SLC25A16: variants seen among roughly 807,000 people sequenced by gnomAD.
The protein encoded by SLC25A16 is solute carrier family 25 member 16.
In SLC25A16, 39 loss-of-function variants were observed where a neutral mutation model predicts 41.5. The ratio of observed to expected loss-of-function variants is 0.94; its 90% confidence interval spans 0.73 to 1.23. The LOEUF (loss-of-function observed/expected upper bound fraction) is 1.23. Ranked by LOEUF, SLC25A16 falls within the 50% of genes most tolerant of loss-of-function variation. The pLI, the probability that SLC25A16 is intolerant of heterozygous loss-of-function variation, is 0.00. For missense variants in SLC25A16, 421 were observed against 426.9 expected (o/e 0.99, Z 0.12); for synonymous variants, 146 against 147.8 (o/e 0.99, Z 0.09).
rs1344524924 is a variant in SLC25A16, at chr10:68,478,466, AC to A, written c.*4965del. 6.6e-6 allele frequency: 1 copy of A among 152,198 alleles called. No individual in the cohort carries two copies. The highest frequency in any genetic ancestry group is 1.5e-5 in the Non-Finnish European group (1 of 68,028). The allele number at this position is 152,198 out of a possible 1,614,324, so 9.4% of individuals were successfully genotyped here. ...ATTATTGATCCAACTCTGCAAGGCA[AC>A]CCATTAATTGTACATAGTTTGGGAA... On this transcript the variant is annotated 3_prime_UTR_variant, in exon 9 of 9. Coordinates refer to ENST00000609923, the MANE Select transcript of SLC25A16 (RefSeq NM_152707.4).
At chr10:68,509,832 C>T (rs1444057592) in intron 2 of SLC25A16, among the ~76,000 whole-genome samples, 2 of 151,602 alleles carry the variant, frequency 1.3e-5, no homozygotes, top group East Asian at 3.9e-4. Context: ...GTGACTCATG[C>T]TTCTAATCCC....
rs745483454 is a variant in SLC25A16, at chr10:68,527,272, T to C, written c.104A>G (p.Tyr35Cys). 6.5e-6 allele frequency: 10 copies of C among 1,548,294 alleles called. No individual in the cohort carries two copies. Among genetic ancestry groups the C allele is most frequent in the Admixed American group, 5.9e-5 (3 of 50,900 alleles). The change falls in exon 1 of 9, where the codon TAC becomes TGC. Residue 35 changes from tyrosine (Y) to cysteine (C), a missense_variant. Tyr to Cys is a radical substitution (Grantham distance 194). Coordinates refer to ENST00000609923, the MANE Select transcript of SLC25A16 (RefSeq NM_152707.4). Reference sequence around the variant, plus strand: ...TCCGGCCAGAAAGGAGCGCAGCCAGTAGAAGTCTCTGCGGGTTGTGGGCCC... The same window carrying C: ...TCCGGCCAGAAAGGAGCGCAGCCAGCAGAAGTCTCTGCGGGTTGTGGGCCC... The part of the protein sequence containing the change: ...AGGPTTRRDF[Y>C]WLRSFLAGGI...
At chr10:68,485,744 A>G (rs972561871) in intron 8 of SLC25A16, among the ~76,000 whole-genome samples, 1 of 149,152 alleles carries the variant, frequency 6.7e-6, no homozygotes, top group Non-Finnish European at 1.5e-5. Context: ...GCGCCATCTC[A>G]GCTCTTTGCC....
intron 2 of SLC25A16, among the ~76,000 whole-genome samples, chr10:68,513,392 G>A (rs1379550648): frequency 7.7e-6 from 1 of 129,468 alleles, no homozygotes; most frequent in Non-Finnish European, 1.6e-5. Context: ...CTGGGCAATA[G>A]AGCAAGACCA....
chr10:68,516,601 A>C, intron 2 of SLC25A16, 150 bp downstream of exon 2: 1 of 528,644 alleles, frequency 1.9e-6, no homozygotes, highest in Middle Eastern at 5.0e-4. Flanking sequence ...TTCTGAGAGA[A>C]GTTACTATTT....
In SLC25A16 at chr10:68,483,464, C is replaced by A; in HGVS notation, c.967G>T (p.Glu323Ter). The change falls in exon 9 of 9, where the codon GAA (glutamate) becomes TAA (stop). Residue 323 changes from glutamate (E) to a stop codon, truncating the protein, a stop_gained. Transcript: ENST00000609923. LOFTEE classifies it high-confidence loss of function. ...PSQAVAFTTY[E>*]LMKQFFHLN ...AGGTGAAAAAACTGCTTCATAAGTT[C>A]GTATGTTGTAAAAGCCACTGCTTGA... The A allele has an allele frequency of 6.2e-7, 1 of 1,603,778 alleles. No individual in the cohort carries two copies. The highest frequency in any genetic ancestry group is 8.5e-7 in the Non-Finnish European group (1 of 1,176,130).
At chr10:68,511,293 T>C (rs1031256640) in intron 2 of SLC25A16, among the ~76,000 whole-genome samples, 6 of 152,196 alleles carry the variant, frequency 3.9e-5, no homozygotes, top group African/African-American at 1.4e-4. Context: ...TTTATTTTTT[T>C]GAGGGGGCTC....
At chr10:68,519,731 A>G (rs1228934331) in intron 1 of SLC25A16, among the ~76,000 whole-genome samples, 1 of 151,548 alleles carries the variant, frequency 6.6e-6, no homozygotes. Context: ...CCTAGCCAAC[A>G]TGGTGAAACC....
rs554659811 is a variant in SLC25A16 at position 68,508,855 on chromosome 10, C to T, written c.224-2137G>A. Among the ~76,000 whole-genome samples the T allele has an allele frequency of 5.3e-5, 8 of 152,174 alleles. No homozygotes were observed. In the East Asian group the frequency reaches 1.5e-3, roughly 29 times the overall value. The stretch of plus-strand genomic sequence containing the variant: ...TAGAGTAATGATTACCTAGCAGAGA[C>T]AGGAAGGCTAATGATAAGGTAGAAG... On this transcript the variant is annotated intron_variant, in intron 2 of 8. Coordinates refer to ENST00000609923, the MANE Select transcript of SLC25A16 (RefSeq NM_152707.4).
intron 2 of SLC25A16, among the ~76,000 whole-genome samples, chr10:68,510,323 G>A (rs1361742831): frequency 1.3e-5 from 2 of 151,426 alleles, no homozygotes; most frequent in Non-Finnish European, 2.9e-5. Flanking sequence ...CCTGAGGTCA[G>A]GAGTTCAAGA....
rs2053328665 is a variant in SLC25A16 at position 68,525,829 on chromosome 10, G to A, written c.130+1417C>T. Among the ~76,000 whole-genome samples the A allele has an allele frequency of 2.6e-5, 4 of 151,882 alleles. No homozygotes were observed. The South Asian group carries it at 6.2e-4, about 24-fold the overall frequency. On this transcript the variant is annotated intron_variant, in intron 1 of 8. Transcript: ENST00000609923. ...CCCAACCCCGTGCTCTCTGAAACAT[G>A]TGCTGTGTCACAGAGTTGAATGGAT...
chr10:68,507,070 C>CTTTT lies in SLC25A16; in HGVS notation c.224-356_224-353dup, dbSNP rs71019019. Among the ~76,000 whole-genome samples the CTTTT allele has an allele frequency of 4.9e-3, 568 of 115,512 alleles. 14 individuals are homozygous for CTTTT. The highest frequency in any genetic ancestry group is 0.013 in the African/African-American group (409 of 30,958). The allele number at this position is 115,512 out of a possible 152,430, so 75.8% of individuals were successfully genotyped here. ...AGGTTTGCACTAAAGATGACCTACT[C>CTTTT]TTTTTTTTTTTTTTTTTTTTTGAGA... On this transcript the variant is annotated intron_variant, in intron 2 of 8. Coordinates refer to ENST00000609923, the MANE Select transcript of SLC25A16 (RefSeq NM_152707.4).
rs60845242 is a variant in SLC25A16 at position 68,495,781 on chromosome 10, CAA to C, written c.422-2213_422-2212del. On this transcript the variant is annotated intron_variant, in intron 4 of 8. Transcript: ENST00000609923. Reference sequence around the variant, plus strand: ...TGGGCAACAGAGTTAGACTATGTCTCAAAAAAAAAAAAAAAAAAAAGAGAAAA... The same window carrying C: ...TGGGCAACAGAGTTAGACTATGTCTCAAAAAAAAAAAAAAAAAAGAGAAAA... 2.8e-3 allele frequency among the ~76,000 whole-genome samples: 252 copies of C among 89,628 alleles called. 1 individual carries two copies. Among genetic ancestry groups the C allele is most frequent in the African/African-American group, 0.01 (239 of 23,832 alleles). 58.8% of individuals were successfully genotyped at this position (89,628 alleles called of 152,430 possible). A position where few individuals can be genotyped will look rare whatever the true frequency, so the allele number is the denominator to read the frequency against.
intron 2 of SLC25A16, among the ~76,000 whole-genome samples, chr10:68,513,020 CAA>C (rs1345650592): frequency 6.6e-6 from 1 of 151,720 alleles, no homozygotes; most frequent in East Asian, 1.9e-4. Context: ...GCCTAGGCCA[CAA>C]GAGAGAGACT....
chr10:68,487,006 C>G (rs575640448), intron 8 of SLC25A16, 138 bp downstream of exon 8: 103 of 376,850 alleles, frequency 2.7e-4, no homozygotes, highest in African/African-American at 2.0e-3. Context: ...TGATTGTAAT[C>G]TTATAAAGTT....
intron 2 of SLC25A16, 95 bp from the exon 3 acceptor site, chr10:68,506,813 C>A (rs2052963419): frequency 2.8e-6 from 2 of 717,190 alleles, no homozygotes; most frequent in Non-Finnish European, 2.1e-6. Context: ...TGCCATCACT[C>A]AAGATATAAT....
rs939347115 is a variant in SLC25A16, at chr10:68,524,693, G to C, written c.130+2553C>G. Among the ~76,000 whole-genome samples, 3 of 142,444 alleles carry C rather than the reference G, an allele frequency of 2.1e-5. No homozygotes were observed. In the Admixed American group the frequency reaches 2.2e-4, roughly 10 times the overall value. 93.4% of individuals were successfully genotyped at this position (142,444 alleles called of 152,430 possible). A position where few individuals can be genotyped will look rare whatever the true frequency, so the allele number is the denominator to read the frequency against. ...ACTGCACTCCAGCCTGGGCTACATAGTGAGACTCCATCTCAAAAAAAAAAA... is the reference window on the plus strand; with the variant it reads ...ACTGCACTCCAGCCTGGGCTACATACTGAGACTCCATCTCAAAAAAAAAAA... On this transcript the variant is annotated intron_variant, in intron 1 of 8. Coordinates refer to ENST00000609923, the MANE Select transcript of SLC25A16 (RefSeq NM_152707.4).
In SLC25A16 at chr10:68,490,748, A is replaced by G. The variant is rs2052643492; in HGVS notation, c.611-2119T>C. 2.0e-5 allele frequency among the ~76,000 whole-genome samples: 3 copies of G among 152,160 alleles called. No homozygotes were observed. The South Asian group carries it at 6.2e-4, about 32-fold the overall frequency. On this transcript the variant is annotated intron_variant, in intron 6 of 8. Coordinates refer to ENST00000609923, the MANE Select transcript of SLC25A16 (RefSeq NM_152707.4). ...ACTTCCAGACAGATTAGTGGCATATATATAAAATGCTAAACGTTAAAAATC... is the reference window on the plus strand; with the variant it reads ...ACTTCCAGACAGATTAGTGGCATATGTATAAAATGCTAAACGTTAAAAATC...
chr10:68,510,265 C>T (rs79096616), intron 2 of SLC25A16, among the ~76,000 whole-genome samples: 15,701 of 151,942 alleles, frequency 0.1, 925 homozygotes, highest in South Asian at 0.24. Context: ...GGCACAGTGG[C>T]TGACGCCTGT....
Sources: gnomAD v4.1 joint callset for allele counts (sites outside exome capture counted in the v4.1 genomes callset) on GRCh38, gnomAD v4.1.1 for gene constraint, MANE v1.5 for transcripts, NCBI Gene and HGNC (gene_info 2026-07-23, HGNC 2026-07-21) for gene names.